Variants in TENM2 observed in about 807,000 individuals in gnomAD.
TENM2 encodes the protein teneurin transmembrane protein 2.
In TENM2, 52 loss-of-function variants were observed where a neutral mutation model predicts 245.2. The ratio of observed to expected loss-of-function variants is 0.21; its 90% CI spans 0.17 to 0.27. TENM2 has a LOEUF of 0.27. Among genes scored for constraint, TENM2 ranks in the 10% least tolerant of loss-of-function variants. The pLI, the probability that TENM2 is intolerant of heterozygous loss-of-function variation, is 1.00. For missense variants in TENM2, 3,046 were observed against 3,666.8 expected, an observed-to-expected ratio of 0.83 and a Z score of 4.37; for synonymous variants, 1,363 against 1,438.9, an observed-to-expected ratio of 0.95 and a Z score of 1.19.
rs368573777 is a variant in TENM2, at chr5:167,541,722, A to G, written c.502+166249A>G. Among the ~76,000 whole-genome samples, 8 of 152,200 alleles carry G rather than the reference A, an allele frequency of 5.3e-5. No homozygotes were observed. In the South Asian group the frequency reaches 6.2e-4, roughly 12 times the overall value. On this transcript the variant is annotated intron_variant, in intron 2 of 28. Coordinates refer to ENST00000518659, the Ensembl canonical transcript of TENM2. ...TAAACCAAAGATATTACAGCCTCCA[A>G]TGTATCTCTGATACCTCCAAGGAGC...
At chr5:167,413,704 A>G (rs1220434792) in intron 2 of TENM2, among the ~76,000 whole-genome samples, 1 of 152,122 alleles carries the variant, frequency 6.6e-6, no homozygotes, top group Admixed American at 6.6e-5. Context: ...CAGGCTGAGT[A>G]TAAAATCATA....
At chr5:167,698,872 C>G (rs866352083) in intron 2 of TENM2, among the ~76,000 whole-genome samples, 1 of 151,472 alleles carries the variant, frequency 6.6e-6, no homozygotes, top group Non-Finnish European at 1.5e-5. Flanking sequence ...TTAGTAGAGG[C>G]GGGATTTCAC....
chr5:167,498,905 A>T (rs1768995168), intron 2 of TENM2, among the ~76,000 whole-genome samples: 1 of 152,144 alleles, frequency 6.6e-6, no homozygotes, highest in South Asian at 2.1e-4. Context: ...AAAAACATGT[A>T]CAATTGCTTG....
the TENM2 span, among the ~76,000 whole-genome samples, chr5:167,258,159 T>G: frequency 6.7e-6 from 1 of 149,638 alleles, no homozygotes; most frequent in Non-Finnish European, 1.5e-5. Context: ...TTTGAAGATA[T>G]TATATTTTGT....
In TENM2 at chr5:167,375,490, A is replaced by C; in HGVS notation, c.502+17A>C. ...ATGAGAACGGTAGGCCTGCTTCTTA[A>C]ATACCTTTTAACGTTCTGTGCACTG... is the stretch of plus-strand genomic sequence containing the variant. On this transcript the variant is annotated intron_variant, in intron 2 of 28. Coordinates refer to ENST00000518659, the Ensembl canonical transcript of TENM2. 1 of 1,550,918 alleles carries C rather than the reference A, an allele frequency of 6.4e-7. No homozygotes were observed.
chr5:167,163,456 T>G, the TENM2 span, among the ~76,000 whole-genome samples: 1 of 152,138 alleles, frequency 6.6e-6, no homozygotes, highest in Non-Finnish European at 1.5e-5. Context: ...ATACTGGAAA[T>G]ATGCATGTTT....
intron 7 of TENM2, among the ~76,000 whole-genome samples, chr5:168,084,377 A>G (rs889736006): frequency 6.6e-6 from 1 of 152,236 alleles, no homozygotes; most frequent in Non-Finnish European, 1.5e-5. Context: ...TCCCATCAAC[A>G]GTGTGTAAGT....
At chr5:167,307,073 G>A (rs561216131) in intron 1 of TENM2, among the ~76,000 whole-genome samples, 2 of 152,246 alleles carry the variant, frequency 1.3e-5, no homozygotes, top group East Asian at 1.9e-4. Context: ...CATACTCCCC[G>A]CAACACTGGC....
intron 13 of TENM2, among the ~76,000 whole-genome samples, chr5:168,189,231 T>C (rs1760737390): frequency 1.3e-5 from 2 of 152,186 alleles, no homozygotes; most frequent in Non-Finnish European, 2.9e-5. Context: ...ACATTGAACT[T>C]CGAAGGATCA....
chr5:166,980,393 C>A, the TENM2 span, among the ~76,000 whole-genome samples: 1 of 152,120 alleles, frequency 6.6e-6, no homozygotes, highest in Non-Finnish European at 1.5e-5. Flanking sequence ...AAATAGCCAG[C>A]ATAATGAATG....
intron 1 of TENM2, among the ~76,000 whole-genome samples, chr5:167,344,773 T>C (rs1163037132): frequency 6.6e-6 from 1 of 152,024 alleles, no homozygotes; most frequent in African/African-American, 2.4e-5. Context: ...CTTGAGGAGA[T>C]TCAGATGTCA....
chr5:167,109,821 A>G, the TENM2 span, among the ~76,000 whole-genome samples: 1 of 152,190 alleles, frequency 6.6e-6, no homozygotes, highest in Non-Finnish European at 1.5e-5. Context: ...AGTAACTATT[A>G]TGCTCCCCAT....
intron 4 of TENM2, among the ~76,000 whole-genome samples, chr5:167,987,785 G>A (rs1783362132): frequency 6.6e-6 from 1 of 152,106 alleles, no homozygotes; most frequent in African/African-American, 2.4e-5. Context: ...ACAAATTCCA[G>A]GTATTCATGG....
rs115080698 is a variant in TENM2 at position 168,133,530 on chromosome 5, G to A, written c.2422+6564G>A. ...TTCTGTAAGGCAGGTTTTCAATGTA[G>A]GCTCCCATAATATACACTAAAGACT... On this transcript the variant is annotated intron_variant, in intron 12 of 28. Coordinates refer to ENST00000518659, the Ensembl canonical transcript of TENM2. Among the ~76,000 whole-genome samples the A allele has an allele frequency of 7.7e-3, 1,165 of 152,248 alleles. 7 individuals carry two copies. Among genetic ancestry groups the A allele is most frequent in the African/African-American group, 0.027 (1,121 of 41,558 alleles).
At chr5:167,006,748 C>A in the TENM2 span, among the ~76,000 whole-genome samples, 1 of 151,948 alleles carries the variant, frequency 6.6e-6, no homozygotes, top group Non-Finnish European at 1.5e-5. Flanking sequence ...CTCACTGCAA[C>A]CTCTGCCTCC....
At chr5:167,969,133 T>C (rs992746969) in intron 4 of TENM2, among the ~76,000 whole-genome samples, 1 of 152,118 alleles carries the variant, frequency 6.6e-6, no homozygotes, top group African/African-American at 2.4e-5. Flanking sequence ...TTAAAGCCCT[T>C]AGGGGAGAGA....
At chr5:167,983,822 G>A (rs992604587) in intron 4 of TENM2, among the ~76,000 whole-genome samples, 1 of 152,222 alleles carries the variant, frequency 6.6e-6, no homozygotes, top group African/African-American at 2.4e-5. Flanking sequence ...AGGGGACAGT[G>A]AGTGGAGGTG....
At chr5:167,748,800 T>C (rs750097186) in intron 2 of TENM2, among the ~76,000 whole-genome samples, 8 of 152,086 alleles carry the variant, frequency 5.3e-5, no homozygotes, top group Non-Finnish European at 1.0e-4. Flanking sequence ...TCACTCACTA[T>C]CATGAGAACA....
chr5:167,736,773 G>A (rs1254621990), intron 2 of TENM2, among the ~76,000 whole-genome samples: 1 of 152,002 alleles, frequency 6.6e-6, no homozygotes, highest in Non-Finnish European at 1.5e-5. Context: ...TCCAGGTGAG[G>A]GAGCCCCGGT....
Sources: allele counts gnomAD v4.1 joint callset (sites outside exome capture counted in the v4.1 genomes callset), GRCh38; gene constraint gnomAD v4.1.1; transcripts MANE v1.5; gene names NCBI Gene and HGNC (gene_info 2026-07-23, HGNC 2026-07-21).